The following RUFY2 variants were observed in gnomAD, a reference collection of about 807,000 sequenced individuals.
The protein encoded by RUFY2 is RUN and FYVE domain-containing protein 2.
In RUFY2, 49 loss-of-function variants were observed where a neutral mutation model predicts 94.4. The ratio of observed to expected loss-of-function variants is 0.52; its 90% CI spans 0.41 to 0.66. RUFY2 has a LOEUF of 0.66. Among genes scored for constraint, RUFY2 ranks in the 30% least tolerant of loss-of-function variants. RUFY2 has a pLI of 0.00. For synonymous variants in RUFY2, 255 were observed against 235.7 expected (o/e 1.08, Z -0.75); for missense variants, 541 against 692.8 (o/e 0.78, Z 2.46).
rs1386530129 is a variant in RUFY2, at chr10:68,343,789, T to C, written c.*1979A>G. 6.9e-6 allele frequency: 1 copy of C among 144,498 alleles called. No individual in the cohort carries two copies. Among genetic ancestry groups the C allele is most frequent in the African/African-American group, 2.6e-5 (1 of 38,418 alleles). 9.0% of individuals were successfully genotyped at this position (144,498 alleles called of 1,614,324 possible). ...TAAGCCAAAACTACATGGAGCAAGT[T>C]GCTGTCATAAAAGCTGCCTAAAAAA... On this transcript the variant is annotated 3_prime_UTR_variant, in exon 18 of 18. Transcript: ENST00000602465.
intron 15 of RUFY2, among the ~76,000 whole-genome samples, chr10:68,362,267 G>A (rs1421404787): frequency 1.3e-5 from 2 of 152,168 alleles, no homozygotes; most frequent in Non-Finnish European, 2.9e-5. Context: ...GATCAAGGAT[G>A]CAATGAGCTG....
Position 68,355,333 on chromosome 10 carries a change from T to G in RUFY2, c.1599+20A>C, listed in dbSNP as rs1349104805. 1 of 1,589,634 alleles carries G rather than the reference T, an allele frequency of 6.3e-7. No homozygotes were observed. Reference sequence around the variant, plus strand: ...GAGACTTTCACATACCTTCCCACTTTAGGAAAACGTTCTACTCACCTGCAA... The same window carrying G: ...GAGACTTTCACATACCTTCCCACTTGAGGAAAACGTTCTACTCACCTGCAA... On this transcript the variant is annotated intron_variant, in intron 16 of 17. Coordinates refer to ENST00000602465, the MANE Select transcript of RUFY2 (RefSeq NM_001330103.2).
chr10:68,403,614 A>G (rs969113061), intron 2 of RUFY2, among the ~76,000 whole-genome samples: 9 of 152,194 alleles, frequency 5.9e-5, no homozygotes, highest in African/African-American at 2.2e-4. Flanking sequence ...TTGTTTATGT[A>G]CAAAAAGAGT....
At chr10:68,354,918 C>G (rs2046940584) in intron 16 of RUFY2, among the ~76,000 whole-genome samples, 1 of 150,966 alleles carries the variant, frequency 6.6e-6, no homozygotes, top group South Asian at 2.1e-4. Flanking sequence ...ATGATCTCTG[C>G]TCATTGCAAC....
chr10:68,395,424 T>A (rs1427870812), intron 4 of RUFY2, among the ~76,000 whole-genome samples: 1 of 152,092 alleles, frequency 6.6e-6, no homozygotes. Flanking sequence ...CTGATCTGAT[T>A]ATGATATATT....
At chr10:68,359,716 T>G (rs2047330150) in intron 15 of RUFY2, among the ~76,000 whole-genome samples, 1 of 149,244 alleles carries the variant, frequency 6.7e-6, no homozygotes, top group African/African-American at 2.5e-5. Context: ...TGCTTGAACC[T>G]GGGAGGTGGA....
intron 13 of RUFY2, among the ~76,000 whole-genome samples, chr10:68,374,370 T>C (rs1236823059): frequency 6.6e-6 from 1 of 152,086 alleles, no homozygotes; most frequent in Non-Finnish European, 1.5e-5. Context: ...GGAGTCACTA[T>C]ATTAATATCA....
intron 7 of RUFY2, among the ~76,000 whole-genome samples, chr10:68,391,610 G>A (rs2049988258): frequency 7.4e-6 from 1 of 135,534 alleles, no homozygotes; most frequent in Non-Finnish European, 1.5e-5. Flanking sequence ...TCATGCCACT[G>A]CCCTCTACCC....
chr10:68,341,789 G>A (rs2045970818), downstream of RUFY2: 1 of 1,609,418 alleles, frequency 6.2e-7, no homozygotes, highest in East Asian at 2.2e-5. Flanking sequence ...TCAGTTGGAA[G>A]AATGGGAATG....
At position 68,404,840 on chromosome 10, in the gene RUFY2, T is replaced by C. The variant is rs770486526; in HGVS notation, c.9A>G (p.Thr3=). 1.6e-5 allele frequency: 25 copies of C among 1,550,642 alleles called. No individual in the cohort carries two copies. Among genetic ancestry groups the C allele is most frequent in the South Asian group, 8.6e-5 (7 of 81,430 alleles). Reference sequence around the variant, plus strand: ...CTCTCTCTACAGCTGTGGGGTCTTTTGTAGCTGAAAACACAAGAAAGGAAT... The same window carrying C: ...CTCTCTCTACAGCTGTGGGGTCTTTCGTAGCTGAAAACACAAGAAAGGAAT... MA[T]KDPTAVERAN... The change falls in exon 2 of 18, where the codon ACA becomes ACG. Residue 3 remains threonine (T), a synonymous_variant. Transcript: ENST00000602465.
chr10:68,354,215 C>G (rs2046892577), intron 16 of RUFY2, among the ~76,000 whole-genome samples: 2 of 151,902 alleles, frequency 1.3e-5, no homozygotes, highest in Admixed American at 6.6e-5. Context: ...TTTTGTCACC[C>G]AGGCTGGCGT....
intron 13 of RUFY2, among the ~76,000 whole-genome samples, chr10:68,373,621 T>C (rs2048420142): frequency 6.6e-6 from 1 of 151,986 alleles, no homozygotes; most frequent in Non-Finnish European, 1.5e-5. Context: ...AAAATTGTTT[T>C]ATTAGCCAGG....
chr10:68,395,428 A>T (rs2050323735), intron 4 of RUFY2, among the ~76,000 whole-genome samples: 1 of 151,992 alleles, frequency 6.6e-6, no homozygotes, highest in African/African-American at 2.4e-5. Context: ...TCTGATTATG[A>T]TATATTTTAT....
At position 68,345,731 on chromosome 10, in the gene RUFY2, T is replaced by C. The variant is rs1333210459; in HGVS notation, c.*37A>G. 4 of 1,584,574 alleles carry C rather than the reference T, an allele frequency of 2.5e-6. No individual in the cohort carries two copies. Among genetic ancestry groups the C allele is most frequent in the Middle Eastern group, 1.7e-4 (1 of 5,944 alleles). ...GTATACAACATCATAACATTCATTG[T>C]AGGTAATTTCATACATAAGGATTTA... On this transcript the variant is annotated 3_prime_UTR_variant, in exon 18 of 18. Coordinates refer to ENST00000602465, the MANE Select transcript of RUFY2 (RefSeq NM_001330103.2).
chr10:68,379,119 CATTTTTA>C, intron 12 of RUFY2: 1 of 284,446 alleles, frequency 3.5e-6, no homozygotes, highest in East Asian at 8.3e-5. Flanking sequence ...TCTGTTTGTT[CATTTTTA>C]ATTTTTTTGA....
At chr10:68,377,673 A>G (rs1286720836) in intron 12 of RUFY2, 2 of 985,266 alleles carry the variant, frequency 2.0e-6, no homozygotes, top group East Asian at 2.3e-4. Flanking sequence ...TTTTATTTGT[A>G]AGTCGTTGCA....
chr10:68,343,052 T>G (rs1233038879), downstream of RUFY2: 2 of 152,222 alleles, frequency 1.3e-5, no homozygotes, highest in Non-Finnish European at 2.9e-5. Context: ...GCTTTTTAAT[T>G]TTAATCCCTT....
At chr10:68,356,349 T>C (rs2047055078) in intron 15 of RUFY2, among the ~76,000 whole-genome samples, 1 of 151,392 alleles carries the variant, frequency 6.6e-6, no homozygotes, top group African/African-American at 2.4e-5. Context: ...CTACTAAAAA[T>C]ACAAAAATTA....
intron 15 of RUFY2, among the ~76,000 whole-genome samples, chr10:68,357,310 C>A (rs1023980695): frequency 6.6e-6 from 1 of 151,382 alleles, no homozygotes; most frequent in African/African-American, 2.4e-5. Context: ...CTCACTGCAA[C>A]CTCCGCCCCC....
Sources: allele counts gnomAD v4.1 joint callset (sites outside exome capture counted in the v4.1 genomes callset), GRCh38; gene constraint gnomAD v4.1.1; transcripts MANE v1.5; gene names NCBI Gene and HGNC (gene_info 2026-07-23, HGNC 2026-07-21).